GALNT13: variants seen among roughly 807,000 people sequenced by gnomAD.
GALNT13 encodes polypeptide N-acetylgalactosaminyltransferase 13, also known as UDP-GalNAc:polypeptide N-acetylgalactosaminyltransferase 13.
Under a neutral mutation model 64.2 loss-of-function variants are expected in GALNT13, and 28 were observed. That is an observed-to-expected ratio of 0.44 (90% CI 0.32 to 0.60). The LOEUF (loss-of-function observed/expected upper bound fraction) is 0.60, where lower values mean the gene tolerates loss of function less well. Ranked by LOEUF, GALNT13 falls within the 20% of genes least tolerant of loss-of-function variation. GALNT13 has a pLI of 0.05. For missense variants in GALNT13, 577 were observed against 669.8 expected, an observed-to-expected ratio of 0.86 and a Z score of 1.53; for synonymous variants, 214 against 224.6, an observed-to-expected ratio of 0.95 and a Z score of 0.42.
chr2:153,477,777 A>G, the GALNT13 span: 1 of 159,884 alleles, frequency 6.3e-6, no homozygotes, highest in Non-Finnish European at 1.4e-5. Flanking sequence ...GTGGGAGCGC[A>G]CCCGGACACG....
the GALNT13 span, among the ~76,000 whole-genome samples, chr2:153,816,316 G>A: frequency 6.6e-6 from 1 of 152,130 alleles, no homozygotes; most frequent in Admixed American, 6.5e-5. Flanking sequence ...ATTCAGCTCA[G>A]AGGTGCAGAA....
intron 3 of GALNT13, among the ~76,000 whole-genome samples, chr2:154,045,950 T>C (rs1699259271): frequency 6.6e-6 from 1 of 152,058 alleles, no homozygotes. Flanking sequence ...TCCTGTTCAA[T>C]ACAGTTTTTT....
the GALNT13 span, among the ~76,000 whole-genome samples, chr2:153,336,972 GTTTC>G: frequency 6.6e-6 from 1 of 152,066 alleles, no homozygotes; most frequent in African/African-American, 2.4e-5. Context: ...TTCCACTTTT[GTTTC>G]TTTCTCATTT....
At chr2:153,658,249 T>C in the GALNT13 span, among the ~76,000 whole-genome samples, 1 of 152,174 alleles carries the variant, frequency 6.6e-6, no homozygotes, top group African/African-American at 2.4e-5. Context: ...TCCTTTTTCA[T>C]ATATTTACTG....
the GALNT13 span, among the ~76,000 whole-genome samples, chr2:153,764,911 T>G: frequency 4.6e-5 from 7 of 152,322 alleles, no homozygotes; most frequent in East Asian, 1.4e-3. Flanking sequence ...AGGGTGCAGG[T>G]GCAAGACCCA....
the GALNT13 span, among the ~76,000 whole-genome samples, chr2:153,331,878 C>T: frequency 6.6e-6 from 1 of 151,744 alleles, no homozygotes; most frequent in Admixed American, 6.6e-5. Flanking sequence ...TTTTGTATTT[C>T]AGTTTCTTCC....
intron 3 of GALNT13, among the ~76,000 whole-genome samples, chr2:154,013,768 G>A (rs11894349): frequency 0.17 from 26,424 of 152,064 alleles, 4,195 homozygotes; most frequent in East Asian, 0.74. Context: ...GGGGCAGTGG[G>A]GTGCACACTC....
chr2:153,110,463 G>A, the GALNT13 span, among the ~76,000 whole-genome samples: 1 of 152,152 alleles, frequency 6.6e-6, no homozygotes, highest in East Asian at 1.9e-4. Flanking sequence ...GGTTTGAGAA[G>A]TAAAATTTGG....
chr2:154,303,385 T>G, intron 9 of GALNT13, among the ~76,000 whole-genome samples: 1 of 152,052 alleles, frequency 6.6e-6, no homozygotes. Context: ...GCAAATAGAC[T>G]TTCCACTCCA....
chr2:153,768,355 G>A, the GALNT13 span, among the ~76,000 whole-genome samples: 2 of 152,098 alleles, frequency 1.3e-5, no homozygotes, highest in African/African-American at 2.4e-5. Context: ...GTTGATTTTC[G>A]GCCTTGATGA....
At chr2:153,812,169 AT>A in the GALNT13 span, among the ~76,000 whole-genome samples, 2 of 152,206 alleles carry the variant, frequency 1.3e-5, no homozygotes, top group African/African-American at 4.8e-5. Context: ...AAATAAAATC[AT>A]GCATATTGTA....
chr2:153,180,031 C>T, the GALNT13 span, among the ~76,000 whole-genome samples: 10 of 151,986 alleles, frequency 6.6e-5, no homozygotes, highest in African/African-American at 9.7e-5. Context: ...CTTTCTATTG[C>T]GTAATTGCTT....
chr2:153,069,488 C>T, the GALNT13 span, among the ~76,000 whole-genome samples: 15 of 152,136 alleles, frequency 9.9e-5, no homozygotes, highest in African/African-American at 3.6e-4. Context: ...CCCCATGTAT[C>T]ACCTTTATCT....
At chr2:153,428,046 CA>C in the GALNT13 span, among the ~76,000 whole-genome samples, 1 of 152,146 alleles carries the variant, frequency 6.6e-6, no homozygotes. Context: ...AAAAGTAAGA[CA>C]TGCATTCAAT....
chr2:153,627,712 GA>G, the GALNT13 span, among the ~76,000 whole-genome samples: 1 of 152,100 alleles, frequency 6.6e-6, no homozygotes, highest in Admixed American at 6.6e-5. Flanking sequence ...AAGACAGAAG[GA>G]GACTCTTCTC....
At chr2:153,874,103 G>GT (rs10545017) in intron 1 of GALNT13, among the ~76,000 whole-genome samples, 1,477 of 122,412 alleles carry the variant, frequency 0.012, 28 homozygotes, top group East Asian at 0.027. Context: ...CGCAATCTCT[G>GT]TTTTTTTTTT....
At chr2:153,443,460 C>G in the GALNT13 span, among the ~76,000 whole-genome samples, 192 of 152,340 alleles carry the variant, frequency 1.3e-3, 5 homozygotes, top group East Asian at 0.035. Flanking sequence ...CCCATTTTCC[C>G]TCACTTTTCT....
the GALNT13 span, among the ~76,000 whole-genome samples, chr2:153,073,354 T>G: frequency 2.0e-5 from 3 of 151,956 alleles, no homozygotes; most frequent in African/African-American, 7.2e-5. Flanking sequence ...AGGAATAAAA[T>G]TAATTCTAAC....
the GALNT13 span, among the ~76,000 whole-genome samples, chr2:153,139,722 G>T: frequency 6.6e-6 from 1 of 152,010 alleles, no homozygotes; most frequent in Non-Finnish European, 1.5e-5. Flanking sequence ...GGCACAGAGG[G>T]ATATCAATGC....
Sources: gnomAD v4.1 joint callset for allele counts (sites outside exome capture counted in the v4.1 genomes callset) on GRCh38, gnomAD v4.1.1 for gene constraint, MANE v1.5 for transcripts, NCBI Gene and HGNC (gene_info 2026-07-23, HGNC 2026-07-21) for gene names.